CXXC4: variants seen among roughly 807,000 people sequenced by gnomAD.
CXXC4 encodes the protein CXXC finger protein 4, also known as CXXC-type zinc finger protein 4.
CXXC4 carries 5 observed loss-of-function variants against 20.5 expected under a neutral mutation model. The observed-to-expected ratio is 0.24, with a 90% CI of 0.13 to 0.51. The LOEUF is 0.51. Ranked by LOEUF, CXXC4 falls within the 20% of genes least tolerant of loss-of-function variation. CXXC4 has a pLI of 0.97. For synonymous variants in CXXC4, 250 were observed against 216.4 expected (o/e 1.16, Z -1.36); for missense variants, 419 against 496.4 (o/e 0.84, Z 1.48).
chr4:104,472,025 T>C lies in CXXC4; in HGVS notation c.*297A>G, dbSNP rs935452110. 8 of 250,602 alleles carry C rather than the reference T, an allele frequency of 3.2e-5. No individual in the cohort carries two copies. The East Asian group carries it at 6.2e-4, about 19-fold the overall frequency. 15.5% of individuals were successfully genotyped at this position (250,602 alleles called of 1,614,324 possible). A position where few individuals can be genotyped will look rare whatever the true frequency, so the allele number is the denominator to read the frequency against. On this transcript the variant is annotated 3_prime_UTR_variant, in exon 3 of 3. Transcript: ENST00000394767. ...TACAGCAGGGGTTTACCCAAACTTA[T>C]TTTTTACAGCCACTTTCAAAATAGA...
At position 104,470,129 on chromosome 4, in the gene CXXC4, T is replaced by A. The variant is rs1176891502; in HGVS notation, c.*2193A>T. On this transcript the variant is annotated 3_prime_UTR_variant, in exon 3 of 3. Coordinates refer to ENST00000394767, the MANE Select transcript of CXXC4 (RefSeq NM_025212.4). ...CACTTACTTGTAATTAATTAGCAAA[T>A]TGGTAAACAAAAAACAAAAAATAAA... is the stretch of plus-strand genomic sequence containing the variant. 6.8e-6 allele frequency: 1 copy of A among 147,590 alleles called. No homozygotes were observed. The highest frequency in any genetic ancestry group is 1.5e-5 in the Non-Finnish European group (1 of 67,086). The allele number at this position is 147,590 out of a possible 1,614,324, so 9.1% of individuals were successfully genotyped here.
At chr4:104,479,566 C>A (rs1736502477) in intron 2 of CXXC4, among the ~76,000 whole-genome samples, 1 of 152,016 alleles carries the variant, frequency 6.6e-6, no homozygotes. Context: ...AGAGACTCAG[C>A]CTAAAATTCA....
At position 104,469,564 on chromosome 4, in the gene CXXC4, A is replaced by G. The variant is rs1736209988; in HGVS notation, c.*2758T>C. On this transcript the variant is annotated 3_prime_UTR_variant, in exon 3 of 3. Coordinates refer to ENST00000394767, the MANE Select transcript of CXXC4 (RefSeq NM_025212.4). Reference sequence around the variant, plus strand: ...TATTTGAAAATCATGAAAAATGTAAACTTTCAAATCACTGCCTTAGGTTTA... The same window carrying G: ...TATTTGAAAATCATGAAAAATGTAAGCTTTCAAATCACTGCCTTAGGTTTA... 6.6e-6 allele frequency: 1 copy of G among 152,078 alleles called. No homozygotes were observed. Among genetic ancestry groups the G allele is most frequent in the African/African-American group, 2.4e-5 (1 of 41,432 alleles). The allele number at this position is 152,078 out of a possible 1,614,324, so 9.4% of individuals were successfully genotyped here.
intron 2 of CXXC4, among the ~76,000 whole-genome samples, chr4:104,484,619 T>G (rs1475769187): frequency 6.6e-6 from 1 of 152,010 alleles, no homozygotes; most frequent in Non-Finnish European, 1.5e-5. Context: ...TACCTAGCTA[T>G]GGATTCTTAC....
Position 104,491,627 on chromosome 4 carries a change from T to C in CXXC4, c.176A>G (p.Gln59Arg). The C allele has an allele frequency of 6.5e-7, 1 of 1,542,134 alleles. No homozygotes were observed. Among genetic ancestry groups the C allele is most frequent in the South Asian group, 1.2e-5 (1 of 83,294 alleles). ...GGTGATGCGCGCGATCTTGGCCGCCTGTGGGAAGGCGCCCCCGTTGGTCTT... is the reference window on the plus strand; with the variant it reads ...GGTGATGCGCGCGATCTTGGCCGCCCGTGGGAAGGCGCCCCCGTTGGTCTT... ...FYKTNGGAFP[Q>R]AAKIARITTP... Residue 59 changes from glutamine (Q) to arginine (R), a missense_variant, in exon 2 of 3, where the codon CAG (glutamine) becomes CGG (arginine). By Grantham distance (43) the Gln-to-Arg change is conservative. Transcript: ENST00000394767.
chr4:104,479,761 C>A (rs1736506311), intron 2 of CXXC4, among the ~76,000 whole-genome samples: 1 of 148,608 alleles, frequency 6.7e-6, no homozygotes, highest in African/African-American at 2.5e-5. Flanking sequence ...CCTCTCCCTC[C>A]CTTCCTTCCT....
chr4:104,491,725 C>G lies in CXXC4; in HGVS notation c.78G>C (p.Glu26Asp). The G allele has an allele frequency of 6.5e-7, 1 of 1,544,582 alleles. No individual in the cohort carries two copies. Among genetic ancestry groups the G allele is most frequent in the Non-Finnish European group, 8.7e-7 (1 of 1,144,296 alleles). Residue 26 changes from glutamate (E) to aspartate (D), a missense_variant, in exon 2 of 3, where the codon GAG becomes GAC. Coordinates refer to ENST00000394767, the MANE Select transcript of CXXC4 (RefSeq NM_025212.4). ...PGLPKESHLP[E>D]GALNSLVDYN... is the part of the protein sequence containing the mutation. ...AATCCACAAGGCTGTTCAGAGCCCC[C>G]TCGGGCAAGTGGCTTTCCTTGGGCA...
chr4:104,473,275 T>C (rs1736323237), intron 2 of CXXC4, among the ~76,000 whole-genome samples: 1 of 151,842 alleles, frequency 6.6e-6, no homozygotes, highest in Admixed American at 6.6e-5. Flanking sequence ...CAAATATATA[T>C]ATAAAGTAAA....
chr4:104,491,767 G>A lies in CXXC4; in HGVS notation c.36C>T (p.Ser12=), dbSNP rs754647596. ...NTNVCVEPGP[S]PEAPGLPKES... is the part of the protein sequence containing the mutation. The stretch of plus-strand genomic sequence containing the variant: ...CCTTGGGCAAGCCCGGGGCCTCCGG[G>A]CTCGGCCCGGGCTCCACGCAGACAT... The change falls in exon 2 of 3, where the codon AGC becomes AGT. Residue 12 remains serine, a synonymous_variant. Transcript: ENST00000394767. The A allele has an allele frequency of 4.7e-5, 72 of 1,530,634 alleles. No homozygotes were observed. The highest frequency in any genetic ancestry group is 4.4e-4 in the South Asian group (36 of 81,916). The allele number at this position is 1,530,634 out of a possible 1,614,324, so 94.8% of individuals were successfully genotyped here.
rs180992916 is a variant in CXXC4, at chr4:104,481,074, T to C, written c.1060-8708A>G. On this transcript the variant is annotated intron_variant, in intron 2 of 2. Coordinates refer to ENST00000394767, the MANE Select transcript of CXXC4 (RefSeq NM_025212.4). ...ATGAGGTAGCAAGGCAGAGATCATATTAGTCTGTGTTACTTATCTAGATGT... is the reference window on the plus strand; with the variant it reads ...ATGAGGTAGCAAGGCAGAGATCATACTAGTCTGTGTTACTTATCTAGATGT... Among the ~76,000 whole-genome samples the C allele has an allele frequency of 2.0e-5, 3 of 152,292 alleles. No individual in the cohort carries two copies. In the East Asian group the frequency reaches 5.8e-4, roughly 29 times the overall value.
At chr4:104,483,270 A>G (rs921200551) in intron 2 of CXXC4, among the ~76,000 whole-genome samples, 2 of 152,044 alleles carry the variant, frequency 1.3e-5, no homozygotes, top group Admixed American at 1.3e-4. Context: ...ATCATCTAAA[A>G]AGCTTTTATA....
chr4:104,485,169 A>G (rs1736655561), intron 2 of CXXC4, among the ~76,000 whole-genome samples: 1 of 152,072 alleles, frequency 6.6e-6, no homozygotes, highest in South Asian at 2.1e-4. Context: ...ATCATCTGAC[A>G]TTTTGATCAG....
chr4:104,480,933 C>A (rs1427284693), intron 2 of CXXC4, among the ~76,000 whole-genome samples: 2 of 142,256 alleles, frequency 1.4e-5, no homozygotes, highest in Non-Finnish European at 1.5e-5. Flanking sequence ...TTCCTTCCTT[C>A]CCTTCTTACT....
intron 1 of CXXC4, among the ~76,000 whole-genome samples, chr4:104,492,955 A>G (rs1736938338): frequency 6.6e-6 from 1 of 151,670 alleles, no homozygotes; most frequent in Non-Finnish European, 1.5e-5. Flanking sequence ...AATCATTCCT[A>G]ATGGAGATTG....
chr4:104,476,424 C>T (rs940502474), intron 2 of CXXC4, among the ~76,000 whole-genome samples: 2 of 152,116 alleles, frequency 1.3e-5, no homozygotes, highest in Non-Finnish European at 1.5e-5. Context: ...CTCCTAAAAG[C>T]TGAAAATGGG....
intron 2 of CXXC4, among the ~76,000 whole-genome samples, chr4:104,475,620 T>G (rs1480466191): frequency 6.6e-6 from 1 of 152,158 alleles, no homozygotes. Flanking sequence ...AATGAGGTTA[T>G]CCTTGTAAGA....
In CXXC4 at chr4:104,491,834, G is replaced by C. The variant is rs2110281176; in HGVS notation, c.-32C>G. 2 of 1,078,206 alleles carry C rather than the reference G, an allele frequency of 1.9e-6. No homozygotes were observed. The highest frequency in any genetic ancestry group is 2.3e-6 in the Non-Finnish European group (2 of 879,026). The allele number at this position is 1,078,206 out of a possible 1,614,324, so 66.8% of individuals were successfully genotyped here. On this transcript the variant is annotated 5_prime_UTR_variant, in exon 2 of 3. Coordinates refer to ENST00000394767, the MANE Select transcript of CXXC4 (RefSeq NM_025212.4). ...GGGGGGGAAGAAGGGGTGCAGGGTG[G>C]AAGTGGGGACCGCCTGGTCCGACAC...
chr4:104,476,042 A>ACT (rs2110271079), intron 2 of CXXC4, among the ~76,000 whole-genome samples: 1 of 152,256 alleles, frequency 6.6e-6, no homozygotes, highest in South Asian at 2.1e-4. Flanking sequence ...CAGGTACAAC[A>ACT]CTATCTTCAA....
chr4:104,491,607 T>C lies in CXXC4; in HGVS notation c.196A>G (p.Ile66Val). Residue 66 changes from isoleucine (I) to valine (V), a missense_variant, in exon 2 of 3, where the codon ATC becomes GTC. Transcript: ENST00000394767. ...AFPQAAKIAR[I>V]TTPIFPSSAA... is the part of the protein sequence containing the mutation. Reference sequence around the variant, plus strand: ...CTGCTGGGGAAGATGGGGGTGGTGATGCGCGCGATCTTGGCCGCCTGTGGG... The same window carrying C: ...CTGCTGGGGAAGATGGGGGTGGTGACGCGCGCGATCTTGGCCGCCTGTGGG... The C allele has an allele frequency of 6.5e-7, 1 of 1,539,872 alleles. No individual in the cohort carries two copies. Among genetic ancestry groups the C allele is most frequent in the Non-Finnish European group, 8.8e-7 (1 of 1,142,684 alleles).
Sources: gnomAD v4.1 joint callset for allele counts (sites outside exome capture counted in the v4.1 genomes callset) on GRCh38, gnomAD v4.1.1 for gene constraint, MANE v1.5 for transcripts, NCBI Gene and HGNC (gene_info 2026-07-23, HGNC 2026-07-21) for gene names.